FGF12: variants seen among roughly 807,000 people sequenced by gnomAD.
The protein encoded by FGF12 is fibroblast growth factor 12B.
Under a neutral mutation model 23.6 loss-of-function variants are expected in FGF12, and 14 were observed. That is an observed-to-expected ratio of 0.59 (90% CI 0.39 to 0.93). The LOEUF (loss-of-function observed/expected upper bound fraction) is 0.93, where lower values mean the gene tolerates loss of function less well. Among genes scored for constraint, FGF12 ranks in the 40% least tolerant of loss-of-function variants. The pLI is 0.00. For synonymous variants in FGF12, 62 were observed against 77.3 expected (o/e 0.80, Z 1.04); for missense variants, 175 against 217.8 (o/e 0.80, Z 1.24).
intron 2 of FGF12, among the ~76,000 whole-genome samples, chr3:192,678,953 C>T (rs979327975): frequency 2.6e-5 from 4 of 152,136 alleles, no homozygotes; most frequent in African/African-American, 7.2e-5. Flanking sequence ...GAGTTTCTGA[C>T]TCAGGGGTTA....
intron 2 of FGF12, among the ~76,000 whole-genome samples, chr3:192,632,017 A>G (rs1020364155): frequency 6.6e-6 from 1 of 152,214 alleles, no homozygotes; most frequent in African/African-American, 2.4e-5. Context: ...CCCAACTCAT[A>G]GTTCTCTCAG....
chr3:192,482,060 C>A (rs1723495441), intron 2 of FGF12, among the ~76,000 whole-genome samples: 1 of 152,104 alleles, frequency 6.6e-6, no homozygotes, highest in South Asian at 2.1e-4. Context: ...GCTACTATGT[C>A]ATTATCACAA....
intron 3 of FGF12, among the ~76,000 whole-genome samples, chr3:192,355,786 G>T (rs1718447371): frequency 6.6e-6 from 1 of 152,188 alleles, no homozygotes; most frequent in South Asian, 2.1e-4. Flanking sequence ...GCTGTGTTTG[G>T]TAAAGAAGCA....
At chr3:192,261,684 C>T (rs1485726995) in intron 4 of FGF12, among the ~76,000 whole-genome samples, 1 of 152,134 alleles carries the variant, frequency 6.6e-6, no homozygotes. Context: ...TTTTTGCTTA[C>T]ATCATGAGCT....
chr3:192,404,603 A>C (rs1720888551), intron 2 of FGF12, among the ~76,000 whole-genome samples: 1 of 152,238 alleles, frequency 6.6e-6, no homozygotes, highest in African/African-American at 2.4e-5. Flanking sequence ...GCCTTTTCAC[A>C]CATAAATAAT....
chr3:192,218,313 T>C (rs540944047), intron 4 of FGF12, among the ~76,000 whole-genome samples: 3 of 152,326 alleles, frequency 2.0e-5, no homozygotes, highest in African/African-American at 7.2e-5. Context: ...CTGGATTATA[T>C]GTGATATGGC....
At chr3:192,513,259 T>A (rs1464032310) in intron 2 of FGF12, among the ~76,000 whole-genome samples, 1 of 152,146 alleles carries the variant, frequency 6.6e-6, no homozygotes, top group Non-Finnish European at 1.5e-5. Flanking sequence ...AACTTTAACA[T>A]AAAGCCACTT....
intron 2 of FGF12, among the ~76,000 whole-genome samples, chr3:192,701,298 G>A (rs1202759703): frequency 6.6e-6 from 1 of 152,122 alleles, no homozygotes; most frequent in East Asian, 1.9e-4. Context: ...CATCTTACAG[G>A]TATTGACTGA....
intron 2 of FGF12, among the ~76,000 whole-genome samples, chr3:192,476,207 T>C (rs1365078084): frequency 1.3e-5 from 2 of 152,100 alleles, no homozygotes; most frequent in East Asian, 3.9e-4. Context: ...AAAATAATCA[T>C]AGCTACAATC....
chr3:192,447,611 A>G (rs1722392699), intron 2 of FGF12, among the ~76,000 whole-genome samples: 1 of 152,202 alleles, frequency 6.6e-6, no homozygotes, highest in African/African-American at 2.4e-5. Context: ...TTTCCTCTCA[A>G]CGCTGTAACC....
At chr3:192,349,083 A>T (rs1718091951) in intron 3 of FGF12, among the ~76,000 whole-genome samples, 1 of 152,138 alleles carries the variant, frequency 6.6e-6, no homozygotes, top group Admixed American at 6.6e-5. Context: ...AGAAAATGCT[A>T]ATCCATATGA....
intron 2 of FGF12, among the ~76,000 whole-genome samples, chr3:192,683,286 T>C (rs1006521630): frequency 2.0e-5 from 3 of 152,208 alleles, no homozygotes; most frequent in Non-Finnish European, 4.4e-5. Context: ...TCTGAGCGGT[T>C]AGTGTCAGAT....
intron 5 of FGF12, among the ~76,000 whole-genome samples, chr3:192,161,544 A>G (rs970993106): frequency 6.6e-6 from 1 of 150,998 alleles, no homozygotes; most frequent in African/African-American, 2.4e-5. Context: ...ACATCACATC[A>G]CATTTGTAGT....
intron 4 of FGF12, among the ~76,000 whole-genome samples, chr3:192,331,984 A>T (rs1359385504): frequency 6.6e-6 from 1 of 152,152 alleles, no homozygotes; most frequent in East Asian, 1.9e-4. Flanking sequence ...GCACACCTTC[A>T]CACACAAAAC....
At chr3:192,416,227 G>A (rs1177662745) in intron 2 of FGF12, among the ~76,000 whole-genome samples, 1 of 152,078 alleles carries the variant, frequency 6.6e-6, no homozygotes, top group African/African-American at 2.4e-5. Context: ...TATACTAACT[G>A]ATTAGAAAAA....
intron 2 of FGF12, among the ~76,000 whole-genome samples, chr3:192,642,375 A>G (rs1361498035): frequency 6.6e-6 from 1 of 152,188 alleles, no homozygotes; most frequent in Non-Finnish European, 1.5e-5. Flanking sequence ...AAGTGCTCCT[A>G]AGAGAACAGC....
At chr3:192,414,584 C>T (rs187760756) in intron 2 of FGF12, among the ~76,000 whole-genome samples, 158 of 152,280 alleles carry the variant, frequency 1.0e-3, no homozygotes, top group African/African-American at 3.7e-3. Context: ...CTTCAACAAT[C>T]TTATGATGGA....
chr3:192,661,296 C>G (rs1167082449), intron 2 of FGF12, among the ~76,000 whole-genome samples: 2 of 152,150 alleles, frequency 1.3e-5, no homozygotes, highest in Non-Finnish European at 2.9e-5. Context: ...CCAAGGCGGG[C>G]GGATCACTTG....
intron 5 of FGF12, among the ~76,000 whole-genome samples, chr3:192,146,267 T>G (rs1713698395): frequency 1.4e-5 from 1 of 74,072 alleles, no homozygotes; most frequent in African/African-American, 3.6e-5. Context: ...TTCATTAAAG[T>G]GTATATTTTT....
Sources: allele counts gnomAD v4.1 joint callset (sites outside exome capture counted in the v4.1 genomes callset), GRCh38; gene constraint gnomAD v4.1.1; transcripts MANE v1.5; gene names NCBI Gene and HGNC (gene_info 2026-07-23, HGNC 2026-07-21).